Variants in GRID2 observed in about 807,000 individuals in gnomAD.
GRID2 encodes the protein glutamate receptor ionotropic, delta-2.
In GRID2, 33 loss-of-function variants were observed where a neutral mutation model predicts 114.8. The ratio of observed to expected loss-of-function variants is 0.29; its 90% confidence interval spans 0.22 to 0.38. The LOEUF is 0.38. Ranked by LOEUF, GRID2 falls within the 10% of genes least tolerant of loss-of-function variation. The pLI, the probability that GRID2 is intolerant of heterozygous loss-of-function variation, is 1.00. For missense variants in GRID2, 1,184 were observed against 1,257.7 expected (o/e 0.94, Z 0.89); for synonymous variants, 505 against 449.9 (o/e 1.12, Z -1.55).
intron 3 of GRID2, among the ~76,000 whole-genome samples, chr4:93,096,450 A>G (rs1731238264): frequency 6.6e-6 from 1 of 152,032 alleles, no homozygotes. Context: ...AAAACGTATA[A>G]ATATGTGAAA....
intron 1 of GRID2, among the ~76,000 whole-genome samples, chr4:93,785,521 G>T (rs1734573498): frequency 6.6e-6 from 1 of 152,192 alleles, no homozygotes; most frequent in Non-Finnish European, 1.5e-5. Flanking sequence ...TCCAGGGACT[G>T]AAAGAAGTCA....
At chr4:93,229,270 T>C (rs766178210) in intron 7 of GRID2, among the ~76,000 whole-genome samples, 2 of 152,174 alleles carry the variant, frequency 1.3e-5, no homozygotes, top group Non-Finnish European at 2.9e-5. Context: ...AGTTCATTAC[T>C]CACATAGAGA....
At chr4:92,442,644 T>C (rs555996980) in intron 1 of GRID2, among the ~76,000 whole-genome samples, 46 of 152,084 alleles carry the variant, frequency 3.0e-4, no homozygotes, top group African/African-American at 1.1e-3. Flanking sequence ...TTATTTAATG[T>C]TGGGAGCAGA....
chr4:92,945,921 T>A (rs910563784), intron 2 of GRID2, among the ~76,000 whole-genome samples: 1 of 152,152 alleles, frequency 6.6e-6, no homozygotes, highest in South Asian at 2.1e-4. Context: ...TATTTCTGGC[T>A]GCAACTACTT....
intron 1 of GRID2, among the ~76,000 whole-genome samples, chr4:92,532,418 G>A (rs1008475614): frequency 2.6e-5 from 4 of 152,152 alleles, no homozygotes; most frequent in African/African-American, 4.8e-5. Flanking sequence ...ATTTCTCCTT[G>A]TCGGGGATTT....
intron 3 of GRID2, among the ~76,000 whole-genome samples, chr4:93,087,281 C>A (rs1730417146): frequency 6.6e-6 from 1 of 151,684 alleles, no homozygotes; most frequent in African/African-American, 2.4e-5. Context: ...ACATCGTGAT[C>A]CACCCACCTC....
At chr4:92,389,785 T>C (rs1730154136) in intron 1 of GRID2, among the ~76,000 whole-genome samples, 1 of 152,090 alleles carries the variant, frequency 6.6e-6, no homozygotes, top group Admixed American at 6.6e-5. Flanking sequence ...GTGTTATGGA[T>C]TTGTATTAAC....
intron 2 of GRID2, among the ~76,000 whole-genome samples, chr4:92,784,847 G>C (rs564480622): frequency 2.6e-5 from 4 of 151,822 alleles, no homozygotes; most frequent in Non-Finnish European, 5.9e-5. Context: ...GTCTTCAAGC[G>C]TGGCAGTAAA....
At chr4:92,844,992 T>C (rs893281640) in intron 2 of GRID2, among the ~76,000 whole-genome samples, 7 of 152,274 alleles carry the variant, frequency 4.6e-5, no homozygotes, top group Admixed American at 3.3e-4. Flanking sequence ...TACAGTCCAG[T>C]GCCATGGCCT....
chr4:93,620,612 A>G (rs541118947), intron 13 of GRID2, among the ~76,000 whole-genome samples: 1 of 152,304 alleles, frequency 6.6e-6, no homozygotes, highest in African/African-American at 2.4e-5. Context: ...AATCCCTAAC[A>G]TGTTGAGGAA....
intron 13 of GRID2, among the ~76,000 whole-genome samples, chr4:93,576,937 G>C (rs1011925335): frequency 2.0e-5 from 3 of 152,068 alleles, no homozygotes; most frequent in African/African-American, 7.2e-5. Flanking sequence ...AAAAATGCTT[G>C]AACAAATATT....
In GRID2 at chr4:93,302,492, C is replaced by T. The variant is rs190539707; in HGVS notation, c.1245+64002C>T. 154 of 445,800 alleles carry T rather than the reference C, an allele frequency of 3.5e-4. 1 individual carries two copies. The highest frequency in any genetic ancestry group is 2.9e-3 in the African/African-American group (146 of 50,018). 27.6% of individuals were successfully genotyped at this position (445,800 alleles called of 1,614,324 possible). On this transcript the variant is annotated intron_variant, in intron 8 of 15. Transcript: ENST00000282020. ...GCAGAGTAACTCTCACTGAGCAATG[C>T]GAACATAATATTCATGTTTTCCACT... is the stretch of plus-strand genomic sequence containing the variant.
At chr4:92,579,082 C>A (rs1249120487) in intron 1 of GRID2, among the ~76,000 whole-genome samples, 2 of 152,084 alleles carry the variant, frequency 1.3e-5, no homozygotes, top group Non-Finnish European at 2.9e-5. Context: ...CGAGAAATCT[C>A]CTTATGTTTC....
At chr4:93,113,883 TAAAAC>T (rs1733001071) in intron 4 of GRID2, among the ~76,000 whole-genome samples, 1 of 151,976 alleles carries the variant, frequency 6.6e-6, no homozygotes, top group Non-Finnish European at 1.5e-5. Context: ...AGACCATAAA[TAAAAC>T]CACGGAGGCG....
chr4:92,558,813 A>G (rs1726986390), intron 1 of GRID2, among the ~76,000 whole-genome samples: 1 of 140,396 alleles, frequency 7.1e-6, no homozygotes, highest in South Asian at 2.2e-4. Context: ...TTTTTGTAAG[A>G]TAAATGGAAA....
At chr4:93,177,236 C>CT (rs137906390) in intron 4 of GRID2, among the ~76,000 whole-genome samples, 7,995 of 150,526 alleles carry the variant, frequency 0.053, 580 homozygotes, top group African/African-American at 0.16. Flanking sequence ...TGAAAAAACT[C>CT]TTTTTTTTTG....
intron 2 of GRID2, among the ~76,000 whole-genome samples, chr4:93,038,067 GT>G (rs1174695038): frequency 6.6e-6 from 1 of 152,066 alleles, no homozygotes; most frequent in Non-Finnish European, 1.5e-5. Flanking sequence ...CATTTTCACA[GT>G]GTTGATTTTT....
At chr4:93,190,526 C>T (rs1740880107) in intron 4 of GRID2, among the ~76,000 whole-genome samples, 2 of 152,066 alleles carry the variant, frequency 1.3e-5, no homozygotes, top group African/African-American at 4.8e-5. Flanking sequence ...TTTCAGATTC[C>T]AAATCATATC....
rs529405910 is a variant in GRID2 at position 92,439,092 on chromosome 4, T to A, written c.88+134348T>A. ...ATAAGGGTGGGGCCGTTTTACAGGA[T>A]TTGGGTAGGTAAAGGAAAATTACAG... is the stretch of plus-strand genomic sequence containing the variant. On this transcript the variant is annotated intron_variant, in intron 1 of 15. Transcript: ENST00000282020. Among the ~76,000 whole-genome samples the A allele has an allele frequency of 7.3e-5, 11 of 151,350 alleles. 1 individual carries two copies. The highest frequency in any genetic ancestry group is 7.2e-4 in the Admixed American group (11 of 15,182).
Sources: allele counts gnomAD v4.1 joint callset (sites outside exome capture counted in the v4.1 genomes callset), GRCh38; gene constraint gnomAD v4.1.1; transcripts MANE v1.5; gene names NCBI Gene and HGNC (gene_info 2026-07-23, HGNC 2026-07-21).